Variants in COL25A1 observed in about 807,000 individuals in gnomAD.
COL25A1 encodes collagen type XXV alpha 1 chain.
In COL25A1, 103 loss-of-function variants were observed where a neutral mutation model predicts 128.4. That is an observed-to-expected ratio of 0.80 (90% CI 0.68 to 0.94). COL25A1 has a LOEUF of 0.94. COL25A1 is among the 40% of genes least tolerant of loss of function. The probability of loss-of-function intolerance (pLI) is 0.00; values close to 1 mark genes in which losing one functional copy is unlikely to be tolerated. For synonymous variants in COL25A1, 279 were observed against 277.2 expected, an observed-to-expected ratio of 1.01 and a Z score of -0.06; for missense variants, 745 against 840.0, an observed-to-expected ratio of 0.89 and a Z score of 1.40.
At chr4:109,276,491 AT>A (rs1471216302) in intron 3 of COL25A1, among the ~76,000 whole-genome samples, 2 of 151,948 alleles carry the variant, frequency 1.3e-5, no homozygotes, top group African/African-American at 4.8e-5. Flanking sequence ...ATAACTATTT[AT>A]AGTATAATTC....
chr4:109,204,574 T>C (rs1776834336), intron 3 of COL25A1, among the ~76,000 whole-genome samples: 1 of 152,146 alleles, frequency 6.6e-6, no homozygotes, highest in South Asian at 2.1e-4. Context: ...TACATTGAGA[T>C]TAAATGACCA....
chr4:109,032,071 T>C (rs550391508), intron 5 of COL25A1, among the ~76,000 whole-genome samples: 1 of 152,200 alleles, frequency 6.6e-6, no homozygotes, highest in African/African-American at 2.4e-5. Flanking sequence ...TGCCAGGTAC[T>C]GTGATGTTGG....
chr4:108,878,010 T>A (rs1739665664), intron 19 of COL25A1, among the ~76,000 whole-genome samples: 2 of 152,178 alleles, frequency 1.3e-5, no homozygotes, highest in South Asian at 4.1e-4. Context: ...TAGATGGGAT[T>A]ACTAGTCAAT....
In COL25A1 at chr4:109,301,743, C is replaced by G. The variant is rs1725559264; in HGVS notation, c.277G>C (p.Val93Leu). The change falls in exon 2 of 38, where the codon GTG (valine) becomes CTG (leucine). Residue 93 changes from valine to leucine, a missense_variant. Physicochemically the swap from Val to Leu is conservative, Grantham distance 32 (BLOSUM62 1). Transcript: ENST00000399132. ...DHLKTMVQEK[V>L]ERLLAQKSYE... ...CACACCTGAGCCAGAAGTCGCTCCA[C>G]TTTCTCTTGCACCATAGTCTTGAGG... 1 of 1,613,210 alleles carries G rather than the reference C, an allele frequency of 6.2e-7. No homozygotes were observed. The highest frequency in any genetic ancestry group is 1.7e-5 in the Admixed American group (1 of 59,994).
intron 3 of COL25A1, among the ~76,000 whole-genome samples, chr4:109,150,042 GTGTA>G (rs898261549): frequency 2.6e-5 from 4 of 151,116 alleles, no homozygotes; most frequent in Non-Finnish European, 5.9e-5. Context: ...GTATGTATGT[GTGTA>G]TGTGTGAGTA....
At chr4:108,882,531 A>T (rs1018178419) in intron 19 of COL25A1, among the ~76,000 whole-genome samples, 2 of 152,166 alleles carry the variant, frequency 1.3e-5, no homozygotes, top group African/African-American at 4.8e-5. Flanking sequence ...CACTTTAAAT[A>T]AATAGTTTTT....
intron 5 of COL25A1, among the ~76,000 whole-genome samples, chr4:109,018,139 GC>G (rs1757385415): frequency 6.6e-6 from 1 of 152,024 alleles, no homozygotes; most frequent in Non-Finnish European, 1.5e-5. Flanking sequence ...ACTCTGAGCA[GC>G]TGCAGGATTG....
At chr4:108,924,425 T>C (rs1482009308) in intron 11 of COL25A1, among the ~76,000 whole-genome samples, 4 of 152,178 alleles carry the variant, frequency 2.6e-5, no homozygotes, top group Admixed American at 2.0e-4. Flanking sequence ...ATTCAGCATA[T>C]GGTGAGAAAG....
intron 3 of COL25A1, among the ~76,000 whole-genome samples, chr4:109,256,282 A>G (rs568242338): frequency 6.6e-6 from 1 of 152,274 alleles, no homozygotes; most frequent in East Asian, 1.9e-4. Context: ...ACAGTTAAGT[A>G]AATTTTCTTC....
At chr4:109,012,815 C>T (rs1043663275) in intron 5 of COL25A1, among the ~76,000 whole-genome samples, 3 of 152,218 alleles carry the variant, frequency 2.0e-5, no homozygotes, top group Non-Finnish European at 2.9e-5. Flanking sequence ...CCCTGCTCCG[C>T]AGCACCCAGT....
intron 8 of COL25A1, among the ~76,000 whole-genome samples, chr4:108,957,773 G>T (rs1750239235): frequency 6.6e-6 from 1 of 152,118 alleles, no homozygotes; most frequent in African/African-American, 2.4e-5. Context: ...GGTTTGTTTT[G>T]CAGTTATAAG....
At chr4:109,024,463 G>A (rs968119053) in intron 5 of COL25A1, among the ~76,000 whole-genome samples, 1 of 151,766 alleles carries the variant, frequency 6.6e-6, no homozygotes, top group East Asian at 1.9e-4. Flanking sequence ...CAGACATATG[G>A]TTATAAATCT....
At chr4:108,952,752 A>T (rs960025856) in intron 8 of COL25A1, among the ~76,000 whole-genome samples, 1 of 151,972 alleles carries the variant, frequency 6.6e-6, no homozygotes, top group Non-Finnish European at 1.5e-5. Context: ...GGATCAGGAA[A>T]GAAGATCAGT....
chr4:109,109,831 G>A (rs1203142576), intron 3 of COL25A1, among the ~76,000 whole-genome samples: 1 of 152,084 alleles, frequency 6.6e-6, no homozygotes, highest in African/African-American at 2.4e-5. Flanking sequence ...TATTAGACAC[G>A]GAAACAGAGA....
chr4:109,159,140 A>G (rs1772318772), intron 3 of COL25A1, among the ~76,000 whole-genome samples: 1 of 151,776 alleles, frequency 6.6e-6, no homozygotes, highest in South Asian at 2.1e-4. Context: ...AATGCTTCAA[A>G]GTAGAGAAGA....
At chr4:109,142,925 T>C (rs1037390132) in intron 3 of COL25A1, among the ~76,000 whole-genome samples, 9 of 152,208 alleles carry the variant, frequency 5.9e-5, no homozygotes, top group African/African-American at 2.2e-4. Context: ...GTTAATATTG[T>C]TATATGTGAA....
In COL25A1 at chr4:109,019,349, T is replaced by TACAC. The variant is rs758326280; in HGVS notation, c.421-8978_421-8975dup. On this transcript the variant is annotated intron_variant, in intron 5 of 37. Transcript: ENST00000399132. ...ATATACATGTGTGTATACACACACATACACACACACACACACACACACACA... is the reference window on the plus strand; with the variant it reads ...ATATACATGTGTGTATACACACACATACACACACACACACACACACACACACACA... Among the ~76,000 whole-genome samples the TACAC allele has an allele frequency of 5.9e-4, 32 of 54,232 alleles. 1 individual carries two copies. Among genetic ancestry groups the TACAC allele is most frequent in the Admixed American group, 6.6e-4 (3 of 4,514 alleles). The allele number at this position is 54,232 out of a possible 152,430, so 35.6% of individuals were successfully genotyped here.
intron 11 of COL25A1, among the ~76,000 whole-genome samples, chr4:108,924,657 C>G (rs1745840795): frequency 6.6e-6 from 1 of 152,200 alleles, no homozygotes; most frequent in Non-Finnish European, 1.5e-5. Flanking sequence ...GACGACCCTA[C>G]TTTTGGTCTC....
At chr4:109,083,573 C>T in intron 3 of COL25A1, among the ~76,000 whole-genome samples, 3 of 147,870 alleles carry the variant, frequency 2.0e-5, no homozygotes, top group Non-Finnish European at 4.4e-5. Flanking sequence ...CGCCATTCTC[C>T]TGCCTCAGCC....
Sources: allele counts gnomAD v4.1 joint callset (sites outside exome capture counted in the v4.1 genomes callset), GRCh38; gene constraint gnomAD v4.1.1; transcripts MANE v1.5; gene names NCBI Gene and HGNC (gene_info 2026-07-23, HGNC 2026-07-21).